The following NFATC2 variants were observed in gnomAD, a reference collection of about 807,000 sequenced individuals.
The protein encoded by NFATC2 is nuclear factor of activated T-cells, cytoplasmic 2.
NFATC2 carries 22 observed loss-of-function variants against 87.3 expected under a neutral mutation model. The observed-to-expected ratio is 0.25, with a 90% CI of 0.18 to 0.36. The LOEUF (loss-of-function observed/expected upper bound fraction) is 0.36, where lower values mean the gene tolerates loss of function less well. NFATC2 is among the 10% of genes least tolerant of loss of function. The pLI is 1.00. For missense variants in NFATC2, 1,149 were observed against 1,259.1 expected (o/e 0.91, Z 1.32); for synonymous variants, 565 against 542.2 (o/e 1.04, Z -0.58).
At chr20:51,461,299 T>A (rs986539697) in intron 5 of NFATC2, among the ~76,000 whole-genome samples, 10 of 152,178 alleles carry the variant, frequency 6.6e-5, no homozygotes, top group African/African-American at 2.4e-4. Flanking sequence ...CATTCATTTC[T>A]GAGACTGCAG....
chr20:51,461,980 G>T (rs907765169), intron 5 of NFATC2, among the ~76,000 whole-genome samples: 12 of 151,980 alleles, frequency 7.9e-5, no homozygotes, highest in Admixed American at 6.6e-4. Flanking sequence ...TTAGCTGGGC[G>T]TGGTGGTACG....
At chr20:51,502,014 T>G (rs1046513036) in intron 3 of NFATC2, among the ~76,000 whole-genome samples, 3 of 152,220 alleles carry the variant, frequency 2.0e-5, no homozygotes, top group Non-Finnish European at 4.4e-5. Context: ...TTGGCTGGCA[T>G]AGTTTGACGA....
intron 1 of NFATC2, among the ~76,000 whole-genome samples, chr20:51,542,075 C>A (rs193065119): frequency 6.6e-6 from 1 of 152,202 alleles, no homozygotes; most frequent in Non-Finnish European, 1.5e-5. Flanking sequence ...AGACAGCACC[C>A]GCCCCCCAGC....
At chr20:51,548,781 G>A (rs910450625) in intron 1 of NFATC2, among the ~76,000 whole-genome samples, 1 of 152,166 alleles carries the variant, frequency 6.6e-6, no homozygotes, top group Non-Finnish European at 1.5e-5. Context: ...TTCTACCTGA[G>A]ATCAATCAGT....
intron 3 of NFATC2, among the ~76,000 whole-genome samples, chr20:51,497,645 A>C (rs1331525065): frequency 2.0e-5 from 3 of 152,136 alleles, no homozygotes; most frequent in Admixed American, 6.5e-5. Flanking sequence ...CCACCAAAGC[A>C]GATCCTTCCC....
At chr20:51,438,637 C>T (rs1983910045) in intron 6 of NFATC2, among the ~76,000 whole-genome samples, 1 of 152,152 alleles carries the variant, frequency 6.6e-6, no homozygotes, top group African/African-American at 2.4e-5. Flanking sequence ...AAAAGGGCAT[C>T]ACCAAGAGGA....
chr20:51,508,159 A>ATTCC (rs1470903913), intron 3 of NFATC2, among the ~76,000 whole-genome samples: 3 of 152,158 alleles, frequency 2.0e-5, no homozygotes, highest in Non-Finnish European at 4.4e-5. Flanking sequence ...ACTGAGGCTC[A>ATTCC]TTCCTGACAA....
At chr20:51,529,580 G>A (rs1298790887) in intron 1 of NFATC2, among the ~76,000 whole-genome samples, 1 of 152,112 alleles carries the variant, frequency 6.6e-6, no homozygotes, top group African/African-American at 2.4e-5. Flanking sequence ...CAGTCATCAC[G>A]ATGCCCGCAC....
At chr20:51,476,072 CTTCTT>C (rs1267479370) in intron 3 of NFATC2, among the ~76,000 whole-genome samples, 3 of 114,640 alleles carry the variant, frequency 2.6e-5, no homozygotes, top group African/African-American at 1.3e-4. Flanking sequence ...AGAACTGTCA[CTTCTT>C]TTTTTTTTTT....
intron 5 of NFATC2, among the ~76,000 whole-genome samples, chr20:51,471,225 A>G (rs1988171189): frequency 6.6e-6 from 1 of 152,164 alleles, no homozygotes. Context: ...GAGAGGGAGG[A>G]TCAGGGGCTC....
intron 3 of NFATC2, among the ~76,000 whole-genome samples, chr20:51,499,068 C>G (rs1284492423): frequency 6.6e-6 from 1 of 152,034 alleles, no homozygotes; most frequent in East Asian, 1.9e-4. Flanking sequence ...CAGGCAGGGA[C>G]CGGGTGACAC....
rs537229040 is a variant in NFATC2 at position 51,398,961 on chromosome 20, G to A, written c.2723-231C>T. ...CTCTGTGCAAAGTGCATTACATTAT[G>A]TGGGGTGTGGGATCAGGGGAGCGTG... is the stretch of plus-strand genomic sequence containing the variant. On this transcript the variant is annotated intron_variant, in intron 9 of 10. Coordinates refer to ENST00000371564, the MANE Select transcript of NFATC2 (RefSeq NM_012340.5). 394 of 474,316 alleles carry A rather than the reference G, an allele frequency of 8.3e-4. 6 individuals carry two copies. The highest frequency in any genetic ancestry group is 7.9e-3 in the South Asian group (252 of 32,096). 29.4% of individuals were successfully genotyped at this position (474,316 alleles called of 1,614,324 possible).
intron 1 of NFATC2, among the ~76,000 whole-genome samples, chr20:51,538,820 A>T (rs1406829390): frequency 6.6e-6 from 1 of 152,266 alleles, no homozygotes; most frequent in Non-Finnish European, 1.5e-5. Context: ...GCCATTTTAC[A>T]GATAAGCAGA....
chr20:51,506,840 T>C (rs2076191422), intron 3 of NFATC2, among the ~76,000 whole-genome samples: 1 of 152,214 alleles, frequency 6.6e-6, no homozygotes, highest in Non-Finnish European at 1.5e-5. Flanking sequence ...CTAAAGCAGA[T>C]GTCTCCTTTC....
chr20:51,412,815 A>G (rs952943008), intron 9 of NFATC2, among the ~76,000 whole-genome samples: 1 of 152,044 alleles, frequency 6.6e-6, no homozygotes, highest in African/African-American at 2.4e-5. Flanking sequence ...TTGGCATGCA[A>G]AGGGGGTGCA....
In NFATC2 at chr20:51,414,970, C is replaced by G. The variant is rs1290222715; in HGVS notation, c.2723-16240G>C. On this transcript the variant is annotated intron_variant, in intron 9 of 10. Coordinates refer to ENST00000371564, the MANE Select transcript of NFATC2 (RefSeq NM_012340.5). Reference sequence around the variant, plus strand: ...CTTTTTAAAAATTCTCTCCTAGGGGCTGGGCATGGTTGCTAATGCCTGTAA... The same window carrying G: ...CTTTTTAAAAATTCTCTCCTAGGGGGTGGGCATGGTTGCTAATGCCTGTAA... 5.9e-5 allele frequency among the ~76,000 whole-genome samples: 9 copies of G among 152,160 alleles called. No homozygotes were observed. In the South Asian group the frequency reaches 1.9e-3, roughly 32 times the overall value.
At position 51,389,322 on chromosome 20, in the gene NFATC2, A is replaced by C. The variant is rs2146189011; in HGVS notation, c.*2174T>G. 1 of 152,252 alleles carries C rather than the reference A, an allele frequency of 6.6e-6. No homozygotes were observed. The highest frequency in any genetic ancestry group is 2.1e-4 in the South Asian group (1 of 4,818). The allele number at this position is 152,252 out of a possible 1,614,324, so 9.4% of individuals were successfully genotyped here. The stretch of plus-strand genomic sequence containing the variant: ...GGCACTTGGGTAAAACATTCAGATA[A>C]CTGAGGAAAGCCCAAATTCCCTCAT... On this transcript the variant is annotated 3_prime_UTR_variant, in exon 11 of 11. Coordinates refer to ENST00000371564, the MANE Select transcript of NFATC2 (RefSeq NM_012340.5).
chr20:51,395,646 CTACT>C (rs1986967602), intron 10 of NFATC2, among the ~76,000 whole-genome samples: 1 of 147,460 alleles, frequency 6.8e-6, no homozygotes, highest in Non-Finnish European at 1.5e-5. Flanking sequence ...CTCAGGGTGA[CTACT>C]AAGCCTGCAA....
chr20:51,391,259 G>C lies in NFATC2; in HGVS notation c.*237C>G. 1 of 890,998 alleles carries C rather than the reference G, an allele frequency of 1.1e-6. No homozygotes were observed. Among genetic ancestry groups the C allele is most frequent in the Non-Finnish European group, 1.9e-6 (1 of 524,306 alleles). 55.2% of individuals were successfully genotyped at this position (890,998 alleles called of 1,614,324 possible). A position where few individuals can be genotyped will look rare whatever the true frequency, so the allele number is the denominator to read the frequency against. ...GAGGTGGCGAGCTCCTTAAGTGAGA[G>C]TCCGCTTAGTGCCCATACATTGATC... On this transcript the variant is annotated 3_prime_UTR_variant, in exon 11 of 11. Transcript: ENST00000371564.
Sources: gnomAD v4.1 joint callset for allele counts (sites outside exome capture counted in the v4.1 genomes callset) on GRCh38, gnomAD v4.1.1 for gene constraint, MANE v1.5 for transcripts, NCBI Gene and HGNC (gene_info 2026-07-23, HGNC 2026-07-21) for gene names.